The following CAMTA1 variants were observed in gnomAD, a reference collection of about 807,000 sequenced individuals.
CAMTA1 encodes calmodulin-binding transcription activator 1.
A neutral mutation model predicts 170.9 loss-of-function variants in CAMTA1; 27 were observed. That is an observed-to-expected ratio of 0.16 (90% CI 0.12 to 0.22). The LOEUF (loss-of-function observed/expected upper bound fraction) is 0.22, where lower values mean the gene tolerates loss of function less well. Ranked by LOEUF, CAMTA1 falls within the 10% of genes least tolerant of loss-of-function variation. The probability of loss-of-function intolerance (pLI) is 1.00; values close to 1 mark genes in which losing one functional copy is unlikely to be tolerated. For missense variants in CAMTA1, 1,619 were observed against 2,217.2 expected, an observed-to-expected ratio of 0.73 and a Z score of 5.42; for synonymous variants, 833 against 891.5, an observed-to-expected ratio of 0.93 and a Z score of 1.17.
At chr1:7,023,205 G>C (rs145402949) in intron 3 of CAMTA1, among the ~76,000 whole-genome samples, 1 of 152,334 alleles carries the variant, frequency 6.6e-6, no homozygotes, top group East Asian at 1.9e-4. Context: ...ACCAAATCCT[G>C]CACTATCAAT....
At chr1:7,494,896 A>T (rs1394255268) in intron 6 of CAMTA1, among the ~76,000 whole-genome samples, 1 of 152,176 alleles carries the variant, frequency 6.6e-6, no homozygotes, top group Non-Finnish European at 1.5e-5. Flanking sequence ...TTGACCAGCA[A>T]GCCGGCAGTG....
chr1:7,505,951 G>A (rs947661874), intron 6 of CAMTA1, among the ~76,000 whole-genome samples: 3 of 152,174 alleles, frequency 2.0e-5, no homozygotes, highest in African/African-American at 7.2e-5. Context: ...CAGGTTCTCA[G>A]GCGGGCAGGT....
intron 4 of CAMTA1, among the ~76,000 whole-genome samples, chr1:7,103,622 C>CACACA (rs200176562): frequency 0.87 from 127,843 of 147,296 alleles, 55,732 homozygotes; most frequent in African/African-American, 0.95. Flanking sequence ...CACACACGCA[C>CACACA]ACACAACTAC....
chr1:7,597,861 G>A (rs1445968182), intron 6 of CAMTA1, among the ~76,000 whole-genome samples: 1 of 151,362 alleles, frequency 6.6e-6, no homozygotes, highest in Admixed American at 6.6e-5. Flanking sequence ...TGGGATACAT[G>A]TGCAGAATGT....
chr1:7,192,051 G>C (rs1573785002), intron 4 of CAMTA1, among the ~76,000 whole-genome samples: 1 of 152,224 alleles, frequency 6.6e-6, no homozygotes, highest in East Asian at 1.9e-4. Flanking sequence ...GGGGAATAGT[G>C]TCATCTTTTG....
intron 3 of CAMTA1, among the ~76,000 whole-genome samples, chr1:6,939,325 C>T (rs1195206231): frequency 6.6e-6 from 1 of 152,206 alleles, no homozygotes; most frequent in Non-Finnish European, 1.5e-5. Flanking sequence ...TATTCCAAAA[C>T]CACATACTAT....
chr1:7,494,254 C>T (rs1234105974), intron 6 of CAMTA1, among the ~76,000 whole-genome samples: 1 of 151,958 alleles, frequency 6.6e-6, no homozygotes, highest in East Asian at 1.9e-4. Context: ...AGTGTACTTG[C>T]CTGCCAAGAT....
chr1:7,628,549 G>T (rs536476634), intron 6 of CAMTA1, among the ~76,000 whole-genome samples: 1 of 152,374 alleles, frequency 6.6e-6, no homozygotes, highest in African/African-American at 2.4e-5. Flanking sequence ...AGCAGGGATG[G>T]TGGCACATGC....
chr1:7,460,472 G>A (rs1410444189), intron 5 of CAMTA1, among the ~76,000 whole-genome samples: 1 of 152,130 alleles, frequency 6.6e-6, no homozygotes, highest in African/African-American at 2.4e-5. Context: ...AAGAGCTCAA[G>A]GCAGGCACAG....
intron 14 of CAMTA1, 88 bp downstream of exon 14, chr1:7,737,097 C>A: frequency 2.2e-6 from 3 of 1,333,646 alleles, no homozygotes; most frequent in Non-Finnish European, 3.2e-6. Flanking sequence ...CTCTTGCTGA[C>A]ACATGGCATG....
intron 6 of CAMTA1, among the ~76,000 whole-genome samples, chr1:7,469,302 G>A (rs905798419): frequency 6.6e-6 from 1 of 152,188 alleles, no homozygotes; most frequent in African/African-American, 2.4e-5. Flanking sequence ...GGCTTTTGGG[G>A]TCTTGTTACT....
chr1:6,803,790 C>T (rs954049904), intron 1 of CAMTA1, among the ~76,000 whole-genome samples: 2 of 152,160 alleles, frequency 1.3e-5, no homozygotes, highest in African/African-American at 4.8e-5. Flanking sequence ...TCGTAGCTCA[C>T]TGGCACCTTG....
intron 1 of CAMTA1, among the ~76,000 whole-genome samples, chr1:6,801,310 A>C (rs1389141171): frequency 6.6e-6 from 1 of 152,172 alleles, no homozygotes; most frequent in East Asian, 1.9e-4. Flanking sequence ...AATATCCTTG[A>C]CAGCTTTTTA....
chr1:6,920,452 G>A (rs1681759521), intron 3 of CAMTA1, among the ~76,000 whole-genome samples: 1 of 152,144 alleles, frequency 6.6e-6, no homozygotes, highest in South Asian at 2.1e-4. Flanking sequence ...GGCTTTTCCA[G>A]GTGCACTGTG....
intron 4 of CAMTA1, among the ~76,000 whole-genome samples, chr1:7,100,874 G>C (rs540177591): frequency 6.6e-6 from 1 of 152,290 alleles, no homozygotes; most frequent in Admixed American, 6.5e-5. Context: ...ACATGGTTCT[G>C]CATGTGTCTT....
Position 7,124,734 on chromosome 1 carries a change from G to A in CAMTA1, c.302+33363G>A, listed in dbSNP as rs568487884. ...TTGAGTCCCCACGGCGAAGCACGGCGCTGACAGCAGGAGATGGCTTAGTAG... is the reference window on the plus strand; with the variant it reads ...TTGAGTCCCCACGGCGAAGCACGGCACTGACAGCAGGAGATGGCTTAGTAG... On this transcript the variant is annotated intron_variant, in intron 4 of 22. Coordinates refer to ENST00000303635, the MANE Select transcript of CAMTA1 (RefSeq NM_015215.4). Among the ~76,000 whole-genome samples, 209 of 152,362 alleles carry A rather than the reference G, an allele frequency of 1.4e-3. 1 individual carries two copies. Among genetic ancestry groups the A allele is most frequent in the African/African-American group, 4.3e-3 (178 of 41,584 alleles).
At chr1:7,544,123 G>T (rs534089254) in intron 6 of CAMTA1, among the ~76,000 whole-genome samples, 1 of 152,156 alleles carries the variant, frequency 6.6e-6, no homozygotes, top group Non-Finnish European at 1.5e-5. Context: ...AGAAAAAGAG[G>T]CTTAATTGGA....
At position 7,374,395 on chromosome 1, in the gene CAMTA1, G is replaced by A. The variant is rs183833141; in HGVS notation, c.439-93435G>A. 9.3e-3 allele frequency among the ~76,000 whole-genome samples: 1,423 copies of A among 152,354 alleles called. 8 individuals carry two copies. The highest frequency in any genetic ancestry group is 0.015 in the Non-Finnish European group (1,052 of 68,030). On this transcript the variant is annotated intron_variant, in intron 5 of 22. Transcript: ENST00000303635. Reference sequence around the variant, plus strand: ...AAGAACTTTCACATTCAACACAAAAGGGAATTGTTGCAATCCTAGGGCAAA... The same window carrying A: ...AAGAACTTTCACATTCAACACAAAAAGGAATTGTTGCAATCCTAGGGCAAA...
intron 5 of CAMTA1, among the ~76,000 whole-genome samples, chr1:7,296,657 AG>A (rs1673986509): frequency 6.6e-6 from 1 of 152,186 alleles, no homozygotes; most frequent in Admixed American, 6.5e-5. Flanking sequence ...GTAGTGGAGC[AG>A]GTCTAGGGGG....
Sources: gnomAD v4.1 joint callset for allele counts (sites outside exome capture counted in the v4.1 genomes callset) on GRCh38, gnomAD v4.1.1 for gene constraint, MANE v1.5 for transcripts, NCBI Gene and HGNC (gene_info 2026-07-23, HGNC 2026-07-21) for gene names.